Variants in RPL13 observed in about 807,000 individuals in gnomAD.
RPL13 encodes large ribosomal subunit protein eL13.
Under a neutral mutation model 21.4 loss-of-function variants are expected in RPL13, and 1 was observed. That is an observed-to-expected ratio of 0.05 (90% CI 0.02 to 0.22). The LOEUF is 0.22. Among genes scored for constraint, RPL13 ranks in the 10% least tolerant of loss-of-function variants. The probability of loss-of-function intolerance (pLI) is 1.00; values close to 1 mark genes in which losing one functional copy is unlikely to be tolerated. For missense variants in RPL13, 289 were observed against 303.0 expected, an observed-to-expected ratio of 0.95 and a Z score of 0.34; for synonymous variants, 143 against 120.5, an observed-to-expected ratio of 1.19 and a Z score of -1.23.
Position 89,562,884 on chromosome 16 carries a change from G to A in RPL13, c.478G>A (p.Val160Ile). ...TTAACAACCTGTCTTTCTCTTCTAGGTCTATAAGAAGGAGAAAGCTCGAGT... is the reference window on the plus strand; with the variant it reads ...TTAACAACCTGTCTTTCTCTTCTAGATCTATAAGAAGGAGAAAGCTCGAGT... ...LTGPVMPVRN[V>I]YKKEKARVIT... is the part of the protein sequence containing the mutation. The change falls in exon 6 of 6, where the codon GTC becomes ATC. Residue 160 changes from valine (V) to isoleucine (I), a missense_variant and splice_region_variant. Physicochemically the swap from Val to Ile is conservative, Grantham distance 29. Transcript: ENST00000311528. The A allele has an allele frequency of 1.3e-6, 2 of 1,563,822 alleles. No individual in the cohort carries two copies. The highest frequency in any genetic ancestry group is 1.7e-6 in the Non-Finnish European group (2 of 1,158,968).
chr16:89,561,366 A>G lies in RPL13; in HGVS notation c.244A>G (p.Arg82Gly), dbSNP rs1419281360. The G allele has an allele frequency of 1.9e-6, 3 of 1,608,334 alleles. No homozygotes were observed. The South Asian group carries it at 3.3e-5, about 18-fold the overall frequency. ...CCGCGGCTTCAGCCTGGAGGAGCTC[A>G]GGGTGAGTACTGGCAGCGCTGCGGT... is the stretch of plus-strand genomic sequence containing the variant. ...AGRGFSLEEL[R>G]VAGIHKKVAR... The change falls in exon 3 of 6, where the codon AGG becomes GGG. Residue 82 changes from arginine to glycine, a missense_variant and splice_region_variant. Coordinates refer to ENST00000311528, the MANE Select transcript of RPL13 (RefSeq NM_000977.4).
intron 4 of RPL13, 32 bp from the exon 5 acceptor site, chr16:89,562,303 A>T: frequency 1.9e-6 from 3 of 1,610,968 alleles, no homozygotes; most frequent in Non-Finnish European, 2.5e-6. Flanking sequence ...CAGTGCGGCC[A>T]ACCCCACTTA....
downstream of RPL13, chr16:89,564,708 CT>C (rs1322389594): frequency 6.6e-6 from 1 of 152,270 alleles, no homozygotes; most frequent in African/African-American, 2.4e-5. Flanking sequence ...GCTCGAATCC[CT>C]CTCACGTGAG....
chr16:89,562,770 A>G, intron 5 of RPL13, 114 bp from the exon 6 acceptor site: 2 of 1,109,036 alleles, frequency 1.8e-6, no homozygotes, highest in South Asian at 1.8e-5. Context: ...AGCAGTACTT[A>G]TGGCAGCGAA....
rs1463196054 is a variant in RPL13, at chr16:89,563,794, C to T, written c.*752C>T. On this transcript the variant is annotated 3_prime_UTR_variant, in exon 6 of 6. Coordinates refer to ENST00000311528, the MANE Select transcript of RPL13 (RefSeq NM_000977.4). Reference sequence around the variant, plus strand: ...GCATCTTGGACTTTGGGGCGTCATTCTTAAGCTTGTTGTGCCCGGTAACCA... The same window carrying T: ...GCATCTTGGACTTTGGGGCGTCATTTTTAAGCTTGTTGTGCCCGGTAACCA... 6.6e-6 allele frequency: 1 copy of T among 152,114 alleles called. No individual in the cohort carries two copies. The highest frequency in any genetic ancestry group is 6.5e-5 in the Admixed American group (1 of 15,272). 9.4% of individuals were successfully genotyped at this position (152,114 alleles called of 1,614,324 possible).
rs2058762997 is a variant in RPL13, at chr16:89,563,767, T to G, written c.*725T>G. On this transcript the variant is annotated 3_prime_UTR_variant, in exon 6 of 6. Coordinates refer to ENST00000311528, the MANE Select transcript of RPL13 (RefSeq NM_000977.4). ...TAAGCAAAGCAGTTTCTAGTTAATG[T>G]AGCATCTTGGACTTTGGGGCGTCAT... 1 of 152,194 alleles carries G rather than the reference T, an allele frequency of 6.6e-6. No homozygotes were observed. The highest frequency in any genetic ancestry group is 2.4e-5 in the African/African-American group (1 of 41,444). The allele number at this position is 152,194 out of a possible 1,614,324, so 9.4% of individuals were successfully genotyped here. A position where few individuals can be genotyped will look rare whatever the true frequency, so the allele number is the denominator to read the frequency against.
chr16:89,564,535 A>C lies in RPL13; in HGVS notation c.*1493A>C, dbSNP rs906423301. 6.6e-6 allele frequency: 1 copy of C among 151,720 alleles called. No homozygotes were observed. The highest frequency in any genetic ancestry group is 1.5e-5 in the Non-Finnish European group (1 of 68,014). The allele number at this position is 151,720 out of a possible 1,614,324, so 9.4% of individuals were successfully genotyped here. A position where few individuals can be genotyped will look rare whatever the true frequency, so the allele number is the denominator to read the frequency against. On this transcript the variant is annotated 3_prime_UTR_variant, in exon 6 of 6. Transcript: ENST00000311528. ...CTACTGAAAATACAAAAATTAGCTG[A>C]GTGGTGACACACGCCTGTAATCCCA...
intron 2 of RPL13, 25 bp downstream of exon 2, chr16:89,561,088 C>G: frequency 6.3e-7 from 1 of 1,585,002 alleles, no homozygotes; most frequent in Non-Finnish European, 8.6e-7. Flanking sequence ...CGGGGCTGCC[C>G]CTGGGGCTCG....
In RPL13 at chr16:89,561,956, G is replaced by A. The variant is rs145267447; in HGVS notation, c.420+205G>A. 1,733 of 646,138 alleles carry A rather than the reference G, an allele frequency of 2.7e-3. 21 individuals carry two copies. In the East Asian group the frequency reaches 0.028, roughly 10 times the overall value. 40.0% of individuals were successfully genotyped at this position (646,138 alleles called of 1,614,324 possible). ...CATGGCAAGGCTGTGTGACTTGGAG[G>A]CAGCTTTTTCCATTGACGTTGCTCT... On this transcript the variant is annotated intron_variant, in intron 4 of 5. Transcript: ENST00000311528.
At chr16:89,562,501 AGTTGTGGGTGTGGAG>A in intron 5 of RPL13, 110 bp downstream of exon 5, 2 of 1,035,320 alleles carry the variant, frequency 1.9e-6, no homozygotes, top group Non-Finnish European at 2.8e-6. Context: ...TAATAGTGGC[AGTTGTGGGTGTGGAG>A]GTTTGCGGAA....
Position 89,562,336 on chromosome 16 carries a change from C to T in RPL13, c.422C>T (p.Ala141Val), listed in dbSNP as rs777110708. 1.2e-6 allele frequency: 2 copies of T among 1,613,274 alleles called. No homozygotes were observed. Among genetic ancestry groups the T allele is most frequent in the South Asian group, 2.2e-5 (2 of 90,964 alleles). ...PSAPKKGDSSAEELKLATQLT... is the reference protein window; with the variant it reads ...PSAPKKGDSSVEELKLATQLT... Reference sequence around the variant, plus strand: ...TTAACTCTTCTCATTCACCAACAGGCTGAAGAACTGAAACTGGCCACCCAG... The same window carrying T: ...TTAACTCTTCTCATTCACCAACAGGTTGAAGAACTGAAACTGGCCACCCAG... The change falls in exon 5 of 6, where the codon GCT (alanine) becomes GTT (valine). Residue 141 changes from alanine to valine, a missense_variant and splice_region_variant. Coordinates refer to ENST00000311528, the MANE Select transcript of RPL13 (RefSeq NM_000977.4).
At chr16:89,560,794 C>A in intron 1 of RPL13, 82 bp downstream of exon 1, 2 of 561,502 alleles carry the variant, frequency 3.6e-6, no homozygotes, top group South Asian at 2.3e-5. Flanking sequence ...AGTGGATGGG[C>A]CCCTTCTTCT....
intron 3 of RPL13, 48 bp downstream of exon 3, chr16:89,561,416 C>G (rs756380843): frequency 1.4e-5 from 22 of 1,612,470 alleles, no homozygotes; most frequent in Non-Finnish European, 1.7e-5. Flanking sequence ...GAAGTCCCCT[C>G]TGTTGGCCTC....
At position 89,564,162 on chromosome 16, in the gene RPL13, GTT is replaced by G. The variant is rs1369961941; in HGVS notation, c.*1123_*1124del. 2 of 152,162 alleles carry G rather than the reference GTT, an allele frequency of 1.3e-5. No individual in the cohort carries two copies. Among genetic ancestry groups the G allele is most frequent in the Admixed American group, 1.3e-4 (2 of 15,286 alleles). The allele number at this position is 152,162 out of a possible 1,614,324, so 9.4% of individuals were successfully genotyped here. A position where few individuals can be genotyped will look rare whatever the true frequency, so the allele number is the denominator to read the frequency against. ...AGCTTCAGGGACCGAGTCAGATTCT[GTT>G]TTGTCTACATGCCTCTGCCGGGTGC... On this transcript the variant is annotated 3_prime_UTR_variant, in exon 6 of 6. Transcript: ENST00000311528.
In RPL13 at chr16:89,561,214, TTC is replaced by T. The variant is rs571444601; in HGVS notation, c.105-8_105-7del. The T allele has an allele frequency of 1.2e-5, 18 of 1,538,704 alleles. No homozygotes were observed. In the African/African-American group the frequency reaches 2.1e-4, roughly 18 times the overall value. On this transcript the variant is annotated splice_polypyrimidine_tract_variant and intron_variant, in intron 2 of 5. Coordinates refer to ENST00000311528, the MANE Select transcript of RPL13 (RefSeq NM_000977.4). ...TAGGCAAGGGTGACCGCCGCTGCGC[TTC>T]TCTCCACCAGACGTAAGGCCCGGCA...
At position 89,563,929 on chromosome 16, in the gene RPL13, C is replaced by G. The variant is rs1025616315; in HGVS notation, c.*887C>G. ...GCCTCTCCTGTTAAACAAAAACATTCTAAAGCCATTGTTCTTGCTTCATGG... is the reference window on the plus strand; with the variant it reads ...GCCTCTCCTGTTAAACAAAAACATTGTAAAGCCATTGTTCTTGCTTCATGG... On this transcript the variant is annotated 3_prime_UTR_variant, in exon 6 of 6. Transcript: ENST00000311528. 2 of 152,234 alleles carry G rather than the reference C, an allele frequency of 1.3e-5. No homozygotes were observed. The highest frequency in any genetic ancestry group is 6.5e-5 in the Admixed American group (1 of 15,284). 9.4% of individuals were successfully genotyped at this position (152,234 alleles called of 1,614,324 possible).
At chr16:89,562,496 G>A in intron 5 of RPL13, 105 bp downstream of exon 5, 1 of 1,063,834 alleles carries the variant, frequency 9.4e-7, no homozygotes, top group Non-Finnish European at 1.4e-6. Context: ...AACGTTAATA[G>A]TGGCAGTTGT....
At chr16:89,561,840 G>A (rs2058747463) in intron 4 of RPL13, 89 bp downstream of exon 4, 4 of 1,430,718 alleles carry the variant, frequency 2.8e-6, no homozygotes, top group Admixed American at 4.1e-5. Flanking sequence ...GGGTCTTGCT[G>A]GGGTGAGAAG....
Position 89,561,341 on chromosome 16 carries a change from C to A in RPL13, c.219C>A (p.Gly73=). ...TVRYHTKVRA[G]RGFSLEELRV... is the part of the protein sequence containing the mutation. ...GGTACCACACGAAGGTGCGCGCCGG[C>A]CGCGGCTTCAGCCTGGAGGAGCTCA... The change falls in exon 3 of 6, where the codon GGC becomes GGA. Residue 73 remains glycine (G), a synonymous_variant. Coordinates refer to ENST00000311528, the MANE Select transcript of RPL13 (RefSeq NM_000977.4). The A allele has an allele frequency of 6.2e-7, 1 of 1,602,302 alleles. No homozygotes were observed.
Sources: allele counts gnomAD v4.1 joint callset, GRCh38; gene constraint gnomAD v4.1.1; transcripts MANE v1.5; gene names NCBI Gene and HGNC (gene_info 2026-07-23, HGNC 2026-07-21).